The following PEBP4 variants were observed in gnomAD, a reference collection of about 807,000 sequenced individuals.
The protein encoded by PEBP4 is phosphatidylethanolamine-binding protein 4.
In PEBP4, 22 loss-of-function variants were observed where a neutral mutation model predicts 23.9. The observed-to-expected ratio is 0.92, with a 90% CI of 0.66 to 1.31. The LOEUF is 1.31. Among genes scored for constraint, PEBP4 ranks in the 40% most tolerant of loss-of-function variants. PEBP4 has a pLI of 0.00. For synonymous variants in PEBP4, 112 were observed against 99.3 expected (o/e 1.13, Z -0.76); for missense variants, 324 against 281.7 (o/e 1.15, Z -1.07).
intron 4 of PEBP4, among the ~76,000 whole-genome samples, chr8:22,734,196 C>G (rs1804803281): frequency 6.6e-6 from 1 of 152,230 alleles, no homozygotes; most frequent in Admixed American, 6.5e-5. Context: ...CTCCCAGGCT[C>G]TGAGGTCCCC....
At chr8:22,851,650 G>A (rs575439996) in intron 3 of PEBP4, among the ~76,000 whole-genome samples, 10 of 152,164 alleles carry the variant, frequency 6.6e-5, no homozygotes, top group South Asian at 4.2e-4. Flanking sequence ...AGCTGACAAC[G>A]AGCAGAAAAA....
At chr8:22,907,545 G>C (rs553220001) in intron 3 of PEBP4, among the ~76,000 whole-genome samples, 123 of 152,206 alleles carry the variant, frequency 8.1e-4, no homozygotes, top group African/African-American at 2.9e-3. Flanking sequence ...AAGAGAGAGA[G>C]AGAGAAAGGA....
At chr8:22,922,764 G>A (rs960004168) in intron 2 of PEBP4, among the ~76,000 whole-genome samples, 2 of 151,708 alleles carry the variant, frequency 1.3e-5, no homozygotes, top group Non-Finnish European at 2.9e-5. Flanking sequence ...CCTCAAAGGT[G>A]CCACCTTCCT....
rs185632057 is a variant in PEBP4, at chr8:22,786,601, C to G, written c.357+31036G>C. Among the ~76,000 whole-genome samples, 94 of 152,130 alleles carry G rather than the reference C, an allele frequency of 6.2e-4. 1 individual carries two copies. The highest frequency in any genetic ancestry group is 2.2e-3 in the African/African-American group (92 of 41,474). On this transcript the variant is annotated intron_variant, in intron 4 of 6. Transcript: ENST00000256404. ...GCCTGGCCCCTCTGGATTTTGAAAC[C>G]CTGTCTATTAGTGGCTTTAAAAAAA...
chr8:22,889,608 T>TG (rs1307367751), intron 3 of PEBP4, among the ~76,000 whole-genome samples: 3 of 152,204 alleles, frequency 2.0e-5, no homozygotes, highest in Non-Finnish European at 1.5e-5. Context: ...AGCCTCGTTT[T>TG]GGGCAAATTG....
At chr8:22,810,705 T>TGTGTGA (rs1043272462) in intron 4 of PEBP4, among the ~76,000 whole-genome samples, 1 of 126,470 alleles carries the variant, frequency 7.9e-6, no homozygotes, top group Admixed American at 7.9e-5. Context: ...TGTGTGTGTG[T>TGTGTGA]GTGTGTGTGA....
At chr8:22,878,421 G>A (rs1394511125) in intron 3 of PEBP4, among the ~76,000 whole-genome samples, 1 of 152,196 alleles carries the variant, frequency 6.6e-6, no homozygotes, top group Non-Finnish European at 1.5e-5. Context: ...AGAGGTGGCA[G>A]GACCCGGCCG....
chr8:22,853,078 CA>C (rs1807579252), intron 3 of PEBP4, among the ~76,000 whole-genome samples: 1 of 152,244 alleles, frequency 6.6e-6, no homozygotes, highest in Non-Finnish European at 1.5e-5. Flanking sequence ...TGGGCTAAAA[CA>C]AGCATTTTCC....
intron 4 of PEBP4, among the ~76,000 whole-genome samples, chr8:22,816,931 A>G (rs1806754070): frequency 6.6e-6 from 1 of 152,222 alleles, no homozygotes; most frequent in Non-Finnish European, 1.5e-5. Flanking sequence ...AAAAGCTCCA[A>G]AAGCCCTTGA....
At chr8:22,933,916 G>A (rs952401987) in intron 1 of PEBP4, among the ~76,000 whole-genome samples, 1 of 152,236 alleles carries the variant, frequency 6.6e-6, no homozygotes, top group Non-Finnish European at 1.5e-5. Flanking sequence ...CTGGCCGGAA[G>A]ACTGGGCATC....
At position 22,714,100 on chromosome 8, in the gene PEBP4, A is replaced by G. The variant is rs576257361; in HGVS notation, c.518-564T>C. 4.6e-5 allele frequency among the ~76,000 whole-genome samples: 7 copies of G among 152,270 alleles called. No individual in the cohort carries two copies. In the East Asian group the frequency reaches 9.7e-4, roughly 21 times the overall value. On this transcript the variant is annotated intron_variant, in intron 6 of 6. Coordinates refer to ENST00000256404, the MANE Select transcript of PEBP4 (RefSeq NM_144962.3). The stretch of plus-strand genomic sequence containing the variant: ...GGGGGTGCACCAGTGTGCCTTCCCC[A>G]TGGCAGAGGTGGAGGGGCAGCCCCT...
At chr8:22,718,033 C>G (rs1313112252) in intron 6 of PEBP4, among the ~76,000 whole-genome samples, 2 of 152,178 alleles carry the variant, frequency 1.3e-5, no homozygotes, top group Non-Finnish European at 2.9e-5. Flanking sequence ...CTGAAAAGCC[C>G]TCGTTCCATC....
intron 3 of PEBP4, among the ~76,000 whole-genome samples, chr8:22,897,053 A>G (rs189970020): frequency 1.2e-3 from 182 of 152,050 alleles, no homozygotes; most frequent in Admixed American, 8.8e-3. Context: ...GTGTATGTAT[A>G]TATATATAAT....
At chr8:22,828,672 G>C (rs1471205604) in intron 3 of PEBP4, among the ~76,000 whole-genome samples, 1 of 152,108 alleles carries the variant, frequency 6.6e-6, no homozygotes, top group Admixed American at 6.6e-5. Context: ...TACATCCTCT[G>C]TCTTGGTTGC....
At chr8:22,882,626 T>G (rs1423143550) in intron 3 of PEBP4, among the ~76,000 whole-genome samples, 1 of 152,206 alleles carries the variant, frequency 6.6e-6, no homozygotes, top group East Asian at 1.9e-4. Context: ...GTCTTTTTAT[T>G]CTGTAATTTT....
At chr8:22,939,103 C>A (rs1243257697) in intron 1 of PEBP4, among the ~76,000 whole-genome samples, 2 of 152,090 alleles carry the variant, frequency 1.3e-5, no homozygotes, top group Non-Finnish European at 2.9e-5. Flanking sequence ...AATATAATTT[C>A]TTTTGTTTTT....
chr8:22,870,065 A>G (rs555574248), intron 3 of PEBP4, among the ~76,000 whole-genome samples: 2 of 152,358 alleles, frequency 1.3e-5, no homozygotes, highest in East Asian at 3.9e-4. Flanking sequence ...ATATTTACCT[A>G]AAGGACTTGA....
chr8:22,930,931 A>G (rs1809446249), upstream of PEBP4, among the ~76,000 whole-genome samples: 1 of 151,940 alleles, frequency 6.6e-6, no homozygotes, highest in Admixed American at 6.6e-5. Flanking sequence ...CTGGGCTGGG[A>G]CCACCTCCAG....
intron 4 of PEBP4, among the ~76,000 whole-genome samples, chr8:22,786,878 T>C (rs1413526486): frequency 2.0e-5 from 3 of 151,164 alleles, no homozygotes; most frequent in African/African-American, 7.3e-5. Flanking sequence ...TGAAGTGCAG[T>C]GGTATCATCA....
Sources: gnomAD v4.1 joint callset for allele counts (sites outside exome capture counted in the v4.1 genomes callset) on GRCh38, gnomAD v4.1.1 for gene constraint, MANE v1.5 for transcripts, NCBI Gene and HGNC (gene_info 2026-07-23, HGNC 2026-07-21) for gene names.